LOXL4: variants seen among roughly 807,000 people sequenced by gnomAD.
LOXL4 encodes lysyl oxidase like 4.
A neutral mutation model predicts 89.1 loss-of-function variants in LOXL4; 72 were observed. That is an observed-to-expected ratio of 0.81 (90% CI 0.67 to 0.98). The LOEUF is 0.98. Among genes scored for constraint, LOXL4 ranks in the 50% least tolerant of loss-of-function variants. The probability of loss-of-function intolerance (pLI) is 0.00; values close to 1 mark genes in which losing one functional copy is unlikely to be tolerated. For synonymous variants in LOXL4, 355 were observed against 392.1 expected (o/e 0.91, Z 1.12); for missense variants, 984 against 1,017.5 (o/e 0.97, Z 0.45).
At chr10:98,266,795 G>A (rs1053522395) in intron 1 of LOXL4, among the ~76,000 whole-genome samples, 1 of 152,052 alleles carries the variant, frequency 6.6e-6, no homozygotes, top group Non-Finnish European at 1.5e-5. Context: ...CACAAGGCCA[G>A]CTCAAATGCC....
intron 11 of LOXL4, among the ~76,000 whole-genome samples, chr10:98,252,908 G>A (rs1858244066): frequency 6.6e-6 from 1 of 152,226 alleles, no homozygotes; most frequent in Non-Finnish European, 1.5e-5. Flanking sequence ...TACAGGGAAA[G>A]GTGCTTATTA....
intron 10 of LOXL4, 129 bp from the exon 11 acceptor site, chr10:98,253,925 T>C (rs1590877303): frequency 8.4e-7 from 1 of 1,185,338 alleles, no homozygotes; most frequent in Non-Finnish European, 1.2e-6. Flanking sequence ...AAGGGCAGTT[T>C]TAAGAGTCAG....
intron 8 of LOXL4, 51 bp downstream of exon 8, chr10:98,257,599 C>A: frequency 6.3e-7 from 1 of 1,586,126 alleles, no homozygotes; most frequent in Non-Finnish European, 8.6e-7. Flanking sequence ...CTGGGGACTC[C>A]CCAGGGTTTC....
intron 1 of LOXL4, among the ~76,000 whole-genome samples, chr10:98,263,955 A>G (rs1858616529): frequency 6.7e-6 from 1 of 148,884 alleles, no homozygotes; most frequent in Non-Finnish European, 1.5e-5. Context: ...CTGGTCTTGA[A>G]CTCCTGACCT....
intron 8 of LOXL4, among the ~76,000 whole-genome samples, chr10:98,257,208 G>A (rs184319945): frequency 6.6e-6 from 1 of 152,330 alleles, no homozygotes; most frequent in Non-Finnish European, 1.5e-5. Context: ...CACCATTAAC[G>A]ACAACTGGCA....
intron 8 of LOXL4, 30 bp downstream of exon 8, chr10:98,257,620 G>T (rs1388674524): frequency 1.2e-6 from 2 of 1,603,834 alleles, no homozygotes; most frequent in Non-Finnish European, 1.7e-6. Context: ...CCGGCCCCCA[G>T]CCTGAGGCCA....
intron 2 of LOXL4, 52 bp from the exon 3 acceptor site, chr10:98,262,265 C>T (rs1253983596): frequency 1.9e-6 from 3 of 1,583,860 alleles, no homozygotes; most frequent in Non-Finnish European, 2.6e-6. Context: ...AGGTCACAGG[C>T]TCTGCCTCCT....
chr10:98,250,282 C>T (rs768432028), intron 14 of LOXL4, among the ~76,000 whole-genome samples: 1 of 152,196 alleles, frequency 6.6e-6, no homozygotes, highest in Non-Finnish European at 1.5e-5. Flanking sequence ...AGGTTGCTTT[C>T]TGTCTGTGCT....
intron 4 of LOXL4, 54 bp from the exon 5 acceptor site, chr10:98,259,483 C>A: frequency 6.7e-7 from 1 of 1,495,300 alleles, no homozygotes. Context: ...GTCCCACCCC[C>A]TGCCACCTGG....
Position 98,262,921 on chromosome 10 carries a change from C to G in LOXL4, c.99G>C (p.Arg33=), listed in dbSNP as rs1330065163. 1.2e-6 allele frequency: 2 copies of G among 1,613,662 alleles called. No homozygotes were observed. Among genetic ancestry groups the G allele is most frequent in the South Asian group, 2.2e-5 (2 of 91,084 alleles). The change falls in exon 2 of 15, where the codon CGG becomes CGC. Residue 33 remains arginine, a synonymous_variant. Coordinates refer to ENST00000260702, the MANE Select transcript of LOXL4 (RefSeq NM_032211.7). ...CTGGCTTGCTCTCTGGGCCCACCAG[C>G]CGGAGCTTAGTGGTGCCCAGTGACT... ...RPQSLGTTKL[R]LVGPESKPEE...
rs200680331 is a variant in LOXL4, at chr10:98,263,051, C to A, written c.-32G>T. 86 of 1,603,908 alleles carry A rather than the reference C, an allele frequency of 5.4e-5. No individual in the cohort carries two copies. The African/African-American group carries it at 1.1e-3, about 20-fold the overall frequency. ...TTCAAGGACAGCTGAGGCCAAGATA[C>A]CTGAGGAATGAGTAAACATGACAGT... On this transcript the variant is annotated splice_region_variant and 5_prime_UTR_variant, in exon 2 of 15. Coordinates refer to ENST00000260702, the MANE Select transcript of LOXL4 (RefSeq NM_032211.7).
rs2135819155 is a variant in LOXL4, at chr10:98,248,520, G to A, written c.*401C>T. 6.1e-6 allele frequency: 1 copy of A among 164,754 alleles called. No individual in the cohort carries two copies. Among genetic ancestry groups the A allele is most frequent in the Middle Eastern group, 2.8e-3 (1 of 356 alleles). The allele number at this position is 164,754 out of a possible 1,614,324, so 10.2% of individuals were successfully genotyped here. On this transcript the variant is annotated 3_prime_UTR_variant, in exon 15 of 15. Coordinates refer to ENST00000260702, the MANE Select transcript of LOXL4 (RefSeq NM_032211.7). Reference sequence around the variant, plus strand: ...CTAACACTACCTGCTGTGTATTTTGGTCCTCTGTCCTATACTCCTCCAAGA... The same window carrying A: ...CTAACACTACCTGCTGTGTATTTTGATCCTCTGTCCTATACTCCTCCAAGA...
chr10:98,259,435 A>T lies in LOXL4; in HGVS notation c.663-6T>A. On this transcript the variant is annotated splice_polypyrimidine_tract_variant and splice_region_variant and intron_variant, in intron 4 of 14. Transcript: ENST00000260702. ...TCTTCAGATCCCAGACTTTCCTGTT[A>T]TGGGAGAAAACAGATAGGAGGTGGA... The T allele has an allele frequency of 6.2e-7, 1 of 1,612,628 alleles. No individual in the cohort carries two copies. Among genetic ancestry groups the T allele is most frequent in the Non-Finnish European group, 8.5e-7 (1 of 1,179,470 alleles).
At chr10:98,251,767 CT>C (rs1272128007) in intron 12 of LOXL4, 65 bp from the exon 13 acceptor site, 1 of 1,578,766 alleles carries the variant, frequency 6.3e-7, no homozygotes, top group African/African-American at 1.3e-5. Context: ...CTTTTATTTC[CT>C]TTACCAGTTC....
In LOXL4 at chr10:98,258,013, C is replaced by A. The variant is rs373205890; in HGVS notation, c.1073G>T (p.Arg358Leu). The part of the protein sequence containing the change: ...VCRQLGFGSA[R>L]EALFGARLGQ... Reference sequence around the variant, plus strand: ...CAGCCGGGCCCCAAAGAGGGCCTCCCGAGCAGAGCCAAAGCCCAGCTGACG... The same window carrying A: ...CAGCCGGGCCCCAAAGAGGGCCTCCAGAGCAGAGCCAAAGCCCAGCTGACG... Residue 358 changes from arginine to leucine, a missense_variant, in exon 7 of 15, where the codon CGG becomes CTG. By Grantham distance (102) the Arg-to-Leu change is moderately radical. Transcript: ENST00000260702. The A allele has an allele frequency of 8.7e-6, 14 of 1,613,880 alleles. No homozygotes were observed. The highest frequency in any genetic ancestry group is 1.7e-5 in the Admixed American group (1 of 60,022).
chr10:98,256,714 A>G (rs1858376461), intron 9 of LOXL4, 66 bp downstream of exon 9: 1 of 1,589,900 alleles, frequency 6.3e-7, no homozygotes, highest in South Asian at 1.1e-5. Flanking sequence ...GCTTTAGCAC[A>G]GGAAGTTTTG....
chr10:98,252,601 C>T (rs1200617104), intron 11 of LOXL4, 133 bp from the exon 12 acceptor site: 4 of 616,324 alleles, frequency 6.5e-6, no homozygotes, highest in South Asian at 5.7e-5. Context: ...GCCCTTCTCC[C>T]TCCCAAACCC....
Position 98,252,404 on chromosome 10 carries a change from C to T in LOXL4, c.1900G>A (p.Ala634Thr), listed in dbSNP as rs1048516824. ...DLLTLNGSKV[A>T]EGHKASFCLE... The stretch of plus-strand genomic sequence containing the variant: ...CAGAAGCTGGCCTTGTGCCCCTCAG[C>T]CACCTTGGAGCCATTGAGAGTGAGG... Residue 634 changes from alanine to threonine, a missense_variant, in exon 12 of 15, where the codon GCT becomes ACT. Physicochemically the swap from Ala to Thr is moderately conservative, Grantham distance 58 (BLOSUM62 0). Transcript: ENST00000260702. 11 of 1,614,002 alleles carry T rather than the reference C, an allele frequency of 6.8e-6. No individual in the cohort carries two copies. The African/African-American group carries it at 1.5e-4, about 22-fold the overall frequency.
chr10:98,251,787 C>A (rs1858200596), intron 12 of LOXL4, 85 bp from the exon 13 acceptor site: 2 of 1,507,758 alleles, frequency 1.3e-6, no homozygotes, highest in Non-Finnish European at 1.8e-6. Context: ...TCAGTGTCAT[C>A]ATGCCCAGTT....
Sources: gnomAD v4.1 joint callset for allele counts (sites outside exome capture counted in the v4.1 genomes callset) on GRCh38, gnomAD v4.1.1 for gene constraint, MANE v1.5 for transcripts, NCBI Gene and HGNC (gene_info 2026-07-23, HGNC 2026-07-21) for gene names.